SYNE1: variants seen among roughly 807,000 people sequenced by gnomAD.
SYNE1 encodes nesprin-1.
In SYNE1, 616 loss-of-function variants were observed where a neutral mutation model predicts 1,111.0. The observed-to-expected ratio is 0.55, with a 90% CI of 0.52 to 0.59. The LOEUF (loss-of-function observed/expected upper bound fraction) is 0.59. Among genes scored for constraint, SYNE1 ranks in the 20% least tolerant of loss-of-function variants. The pLI is 0.00. For synonymous variants in SYNE1, 3,855 were observed against 3,825.8 expected, an observed-to-expected ratio of 1.01 and a Z score of -0.28; for missense variants, 10,006 against 10,417.0, an observed-to-expected ratio of 0.96 and a Z score of 1.72.
At position 152,200,219 on chromosome 6, in the gene SYNE1, C is replaced by T. The variant is rs541914275; in HGVS notation, c.23145+1605G>A. Among the ~76,000 whole-genome samples the T allele has an allele frequency of 2.0e-5, 3 of 152,240 alleles. No homozygotes were observed. In the East Asian group the frequency reaches 5.8e-4, roughly 29 times the overall value. On this transcript the variant is annotated intron_variant, in intron 127 of 145. Transcript: ENST00000367255. ...AAATATAGCCTGTAGATACAGGCAA[C>T]CCAGATATTTACTGACTTTGAAAAG...
chr6:152,621,697 T>G (rs904706374), intron 3 of SYNE1, among the ~76,000 whole-genome samples: 2 of 151,872 alleles, frequency 1.3e-5, no homozygotes, highest in African/African-American at 4.8e-5. Flanking sequence ...ATGGATGAAA[T>G]AGGTTGGCAA....
rs1401249126 is a variant in SYNE1 at position 152,363,244 on chromosome 6, C to T, written c.10146-921G>A. On this transcript the variant is annotated intron_variant, in intron 63 of 145. Coordinates refer to ENST00000367255, the MANE Select transcript of SYNE1 (RefSeq NM_182961.4). ...GCGCGGTGACTCACGCCTGTAATCCCAGCACTTTGGGAGGCCAAGGCGGGT... is the reference window on the plus strand; with the variant it reads ...GCGCGGTGACTCACGCCTGTAATCCTAGCACTTTGGGAGGCCAAGGCGGGT... 1.6e-4 allele frequency among the ~76,000 whole-genome samples: 24 copies of T among 147,940 alleles called. No individual in the cohort carries two copies. The East Asian group carries it at 3.8e-3, about 24-fold the overall frequency.
chr6:152,327,657 G>A (rs1563095125), intron 78 of SYNE1, among the ~76,000 whole-genome samples: 1 of 152,164 alleles, frequency 6.6e-6, no homozygotes, highest in Non-Finnish European at 1.5e-5. Context: ...AAATGCCCCA[G>A]GAACCATGAC....
chr6:152,554,091 A>G (rs560499891), intron 3 of SYNE1, among the ~76,000 whole-genome samples: 6 of 152,126 alleles, frequency 3.9e-5, no homozygotes, highest in Admixed American at 3.3e-4. Flanking sequence ...TTCAGCAGGC[A>G]ACATTTGGAG....
At chr6:152,401,618 A>C (rs925783560) in intron 46 of SYNE1, among the ~76,000 whole-genome samples, 1 of 152,236 alleles carries the variant, frequency 6.6e-6, no homozygotes, top group Non-Finnish European at 1.5e-5. Context: ...GTGAGAGGGC[A>C]TTCTGAAAGT....
In SYNE1 at chr6:152,544,878, C is replaced by A. The variant is rs534654353; in HGVS notation, c.68-4857G>T. Among the ~76,000 whole-genome samples, 8 of 152,318 alleles carry A rather than the reference C, an allele frequency of 5.3e-5. No individual in the cohort carries two copies. In the East Asian group the frequency reaches 1.5e-3, roughly 29 times the overall value. ...TGGGTTATTGTGCAGCCATTGCAAT[C>A]AATCACAAATAATATATTGTCTAGA... On this transcript the variant is annotated intron_variant, in intron 3 of 145. Transcript: ENST00000367255.
intron 3 of SYNE1, among the ~76,000 whole-genome samples, chr6:152,556,012 C>T (rs2099363924): frequency 6.6e-6 from 1 of 152,174 alleles, no homozygotes; most frequent in Non-Finnish European, 1.5e-5. Flanking sequence ...ATCTGATTAT[C>T]ATCTTATATG....
chr6:152,248,010 G>A (rs1320939256), intron 105 of SYNE1, among the ~76,000 whole-genome samples: 1 of 151,838 alleles, frequency 6.6e-6, no homozygotes, highest in Admixed American at 6.6e-5. Context: ...TTATGAAACA[G>A]GAGATATTCT....
chr6:152,509,445 T>C (rs1360890846), intron 8 of SYNE1, among the ~76,000 whole-genome samples: 1 of 151,870 alleles, frequency 6.6e-6, no homozygotes, highest in Non-Finnish European at 1.5e-5. Context: ...TTAGTAGAGA[T>C]GGGGTTTCAC....
chr6:152,548,717 C>A (rs1183423133), intron 3 of SYNE1, among the ~76,000 whole-genome samples: 2 of 152,136 alleles, frequency 1.3e-5, no homozygotes, highest in Admixed American at 1.3e-4. Context: ...ACAGTAGTGA[C>A]CAGAGGACAG....
chr6:152,129,161 G>T (rs978588083), intron 145 of SYNE1: 2 of 152,212 alleles, frequency 1.3e-5, no homozygotes, highest in African/African-American at 4.8e-5. Context: ...AAGAAACGAT[G>T]CCTTCGACAT....
intron 3 of SYNE1, among the ~76,000 whole-genome samples, chr6:152,564,599 G>T (rs535162350): frequency 3.9e-4 from 59 of 152,208 alleles, no homozygotes; most frequent in African/African-American, 1.4e-3. Context: ...TTACAGGCGT[G>T]AGCCACCGTG....
intron 46 of SYNE1, 109 bp downstream of exon 46, chr6:152,404,104 G>GAGATATAT (rs1554635404): frequency 3.7e-6 from 2 of 544,900 alleles, no homozygotes; most frequent in East Asian, 4.9e-5. Flanking sequence ...AGATATATGA[G>GAGATATAT]ATATATATAT....
At chr6:152,398,838 C>T in intron 48 of SYNE1, 107 bp from the exon 49 acceptor site, 1 of 767,664 alleles carries the variant, frequency 1.3e-6, no homozygotes, top group Non-Finnish European at 2.2e-6. Flanking sequence ...GCCTTTAGCT[C>T]ATCTCCTCTT....
Position 152,425,435 on chromosome 6 carries a change from T to C in SYNE1, c.5213A>G (p.His1738Arg), listed in dbSNP as rs1356156330. 6.2e-7 allele frequency: 1 copy of C among 1,614,084 alleles called. No individual in the cohort carries two copies. Among genetic ancestry groups the C allele is most frequent in the African/African-American group, 1.3e-5 (1 of 74,950 alleles). The change falls in exon 39 of 146, where the codon CAT becomes CGT. Residue 1738 changes from histidine (H) to arginine (R), a missense_variant. Transcript: ENST00000367255. ...CCATCTCTCATCCAACTGCTCCAAA[T>C]GTAGTTTCATCATTTTCACATCATC... ...SKDDVKMMKL[H>R]LEQLDERWRD...
chr6:152,310,791 C>A lies in SYNE1; in HGVS notation c.16793G>T (p.Cys5598Phe). The A allele has an allele frequency of 6.2e-7, 1 of 1,614,062 alleles. No individual in the cohort carries two copies. Among genetic ancestry groups the A allele is most frequent in the Non-Finnish European group, 8.5e-7 (1 of 1,180,014 alleles). Residue 5598 changes from cysteine to phenylalanine, a missense_variant, in exon 88 of 146, where the codon TGT (cysteine) becomes TTT (phenylalanine). Coordinates refer to ENST00000367255, the MANE Select transcript of SYNE1 (RefSeq NM_182961.4). ...CACTTGCTGAGACATTTTTTCTGTA[C>A]AGTACACGCTAGTGAGGTACTGTAA... ...EKLQYLTSVY[C>F]TEKMSQQVAE...
At position 152,247,726 on chromosome 6, in the gene SYNE1, A is replaced by ATT. The variant is rs1438547997; in HGVS notation, c.19572+1433_19572+1434dup. 7.5e-3 allele frequency among the ~76,000 whole-genome samples: 803 copies of ATT among 106,738 alleles called. 11 individuals carry two copies. The highest frequency in any genetic ancestry group is 0.015 in the South Asian group (47 of 3,158). 70.0% of individuals were successfully genotyped at this position (106,738 alleles called of 152,430 possible). ...CTCCATATTAAAATATATATTTTTT[A>ATT]TTATATATATATATATATATATATA... On this transcript the variant is annotated intron_variant, in intron 105 of 145. Coordinates refer to ENST00000367255, the MANE Select transcript of SYNE1 (RefSeq NM_182961.4).
intron 104 of SYNE1, among the ~76,000 whole-genome samples, chr6:152,253,817 G>GTTTTTTTT (rs1491115589): frequency 0.038 from 2,274 of 59,146 alleles, 955 homozygotes; most frequent in Middle Eastern, 0.053. Flanking sequence ...GTAGTGGTTT[G>GTTTTTTTT]GTTTTTTTTT....
intron 124 of SYNE1, among the ~76,000 whole-genome samples, chr6:152,210,903 G>T (rs1414860048): frequency 2.0e-5 from 3 of 152,186 alleles, no homozygotes; most frequent in Non-Finnish European, 4.4e-5. Flanking sequence ...CAGGCGGCAT[G>T]TAATCTGACT....
Sources: gnomAD v4.1 joint callset for allele counts (sites outside exome capture counted in the v4.1 genomes callset) on GRCh38, gnomAD v4.1.1 for gene constraint, MANE v1.5 for transcripts, NCBI Gene and HGNC (gene_info 2026-07-23, HGNC 2026-07-21) for gene names.